Variants in FSTL4 observed in about 807,000 individuals in gnomAD.
The protein encoded by FSTL4 is follistatin-related protein 4.
In FSTL4, 28 loss-of-function variants were observed where a neutral mutation model predicts 78.2. The observed-to-expected ratio is 0.36, with a 90% confidence interval of 0.27 to 0.49. FSTL4 has a LOEUF of 0.49. Ranked by LOEUF, FSTL4 falls within the 20% of genes least tolerant of loss-of-function variation. FSTL4 has a pLI of 0.98. For synonymous variants in FSTL4, 422 were observed against 440.5 expected, an observed-to-expected ratio of 0.96 and a Z score of 0.53; for missense variants, 922 against 1,084.9, an observed-to-expected ratio of 0.85 and a Z score of 2.11.
At chr5:133,678,971 G>A in the FSTL4 span, among the ~76,000 whole-genome samples, 1 of 152,088 alleles carries the variant, frequency 6.6e-6, no homozygotes, top group Non-Finnish European at 1.5e-5. Flanking sequence ...TGTCGATCAG[G>A]GATCTCATTT....
chr5:133,465,750 C>T (rs1209003886), intron 3 of FSTL4, among the ~76,000 whole-genome samples: 1 of 152,156 alleles, frequency 6.6e-6, no homozygotes, highest in African/African-American at 2.4e-5. Context: ...ACTGTGTGAG[C>T]CTGAACAGAG....
In FSTL4 at chr5:133,233,500, A is replaced by G. The variant is rs1751561134; in HGVS notation, c.932T>C (p.Val311Ala). The change falls in exon 8 of 16, where the codon GTG (valine) becomes GCG (alanine). Residue 311 changes from valine to alanine, a missense_variant. Physicochemically the swap from Val to Ala is moderately conservative, Grantham distance 64. Transcript: ENST00000265342. ...GEDDSLYITK[V>A]TTIHMGNYTC... ...GTAATTGCCCATGTGGATGGTGGTC[A>G]CCTTGGTGATGTACAGGGAATCATC... is the stretch of plus-strand genomic sequence containing the variant. The G allele has an allele frequency of 6.2e-7, 1 of 1,614,064 alleles. No homozygotes were observed. The highest frequency in any genetic ancestry group is 8.5e-7 in the Non-Finnish European group (1 of 1,180,002).
chr5:133,550,721 G>C (rs916795918), intron 3 of FSTL4, among the ~76,000 whole-genome samples: 3 of 152,166 alleles, frequency 2.0e-5, no homozygotes, highest in Non-Finnish European at 2.9e-5. Context: ...AGAATGTCTG[G>C]CTGTATAATT....
intron 6 of FSTL4, among the ~76,000 whole-genome samples, chr5:133,302,378 C>A (rs1252724481): frequency 2.0e-5 from 3 of 152,180 alleles, no homozygotes; most frequent in Admixed American, 6.5e-5. Context: ...ACTTCCACAG[C>A]CTCTGCCATC....
chr5:133,232,268 A>G (rs1751515557), intron 8 of FSTL4, among the ~76,000 whole-genome samples: 1 of 152,218 alleles, frequency 6.6e-6, no homozygotes, highest in Non-Finnish European at 1.5e-5. Flanking sequence ...TAGTCAACCA[A>G]ATCAGGGCAG....
the FSTL4 span, among the ~76,000 whole-genome samples, chr5:133,635,356 T>C: frequency 6.6e-6 from 1 of 152,220 alleles, no homozygotes; most frequent in African/African-American, 2.4e-5. Context: ...CAGTAGGTCT[T>C]GATGTGAAGT....
intron 3 of FSTL4, among the ~76,000 whole-genome samples, chr5:133,450,669 C>T (rs1298827106): frequency 6.6e-6 from 1 of 152,224 alleles, no homozygotes; most frequent in East Asian, 1.9e-4. Context: ...CTGAGCGGAA[C>T]GCCATTAACT....
At chr5:133,613,121 C>A (rs192193488), upstream of FSTL4, among the ~76,000 whole-genome samples, 30 of 152,372 alleles carry the variant, frequency 2.0e-4, no homozygotes, top group Admixed American at 1.8e-3. Flanking sequence ...GTCCCTTCTC[C>A]CTTAGAACAG....
At chr5:133,217,949 C>T (rs1282857258) in intron 12 of FSTL4, among the ~76,000 whole-genome samples, 1 of 152,192 alleles carries the variant, frequency 6.6e-6, no homozygotes, top group African/African-American at 2.4e-5. Flanking sequence ...AGTTTCTTCT[C>T]TAAAATCCAC....
At chr5:133,663,897 G>T in the FSTL4 span, among the ~76,000 whole-genome samples, 1 of 152,226 alleles carries the variant, frequency 6.6e-6, no homozygotes, top group Non-Finnish European at 1.5e-5. Flanking sequence ...GAATCTTCCA[G>T]TGCTTCTGTG....
At chr5:133,319,930 G>A (rs1754004844) in intron 4 of FSTL4, among the ~76,000 whole-genome samples, 1 of 152,206 alleles carries the variant, frequency 6.6e-6, no homozygotes, top group Non-Finnish European at 1.5e-5. Context: ...CTGGGGAAGG[G>A]CCATGGACCC....
At chr5:133,681,152 A>C in the FSTL4 span, among the ~76,000 whole-genome samples, 5,002 of 152,364 alleles carry the variant, frequency 0.033, 124 homozygotes, top group Middle Eastern at 0.054. Context: ...GTGGGCAGGC[A>C]AAAGCCCCAG....
At chr5:133,302,813 T>G (rs1753576572) in intron 6 of FSTL4, among the ~76,000 whole-genome samples, 1 of 152,200 alleles carries the variant, frequency 6.6e-6, no homozygotes, top group African/African-American at 2.4e-5. Flanking sequence ...GGTCTGTTCT[T>G]CATTCTCTCT....
At chr5:133,625,123 A>C in the FSTL4 span, among the ~76,000 whole-genome samples, 3 of 151,656 alleles carry the variant, frequency 2.0e-5, no homozygotes, top group East Asian at 3.8e-4. Context: ...TATTAGGGTA[A>C]TACTAGCTTC....
the FSTL4 span, among the ~76,000 whole-genome samples, chr5:133,675,031 T>TA: frequency 6.6e-6 from 1 of 151,842 alleles, no homozygotes; most frequent in South Asian, 2.1e-4. Context: ...CAAACAAACT[T>TA]AAAAATCAGG....
At chr5:133,696,007 T>C in the FSTL4 span, among the ~76,000 whole-genome samples, 1 of 152,198 alleles carries the variant, frequency 6.6e-6, no homozygotes. Context: ...GCACTCCATC[T>C]CCATTTAAAC....
At chr5:133,330,447 A>T (rs1754317099) in intron 4 of FSTL4, among the ~76,000 whole-genome samples, 1 of 152,078 alleles carries the variant, frequency 6.6e-6, no homozygotes, top group Non-Finnish European at 1.5e-5. Flanking sequence ...GGGCAGAGAG[A>T]TGCCACACCC....
rs531489116 is a variant in FSTL4, at chr5:133,554,103, T to C, written c.160+13083A>G. Among the ~76,000 whole-genome samples, 164 of 152,316 alleles carry C rather than the reference T, an allele frequency of 1.1e-3. 1 individual carries two copies. The highest frequency in any genetic ancestry group is 3.7e-3 in the African/African-American group (153 of 41,564). On this transcript the variant is annotated intron_variant, in intron 3 of 15. Coordinates refer to ENST00000265342, the MANE Select transcript of FSTL4 (RefSeq NM_015082.2). The stretch of plus-strand genomic sequence containing the variant: ...ATCTGGAGTTGGATCATTTGGATGA[T>C]TCCATGAATGGTAGAGACTAGAAGC...
chr5:133,620,270 A>C, the FSTL4 span, among the ~76,000 whole-genome samples: 1 of 152,320 alleles, frequency 6.6e-6, no homozygotes, highest in African/African-American at 2.4e-5. Flanking sequence ...CAGGAGGGGA[A>C]AGATTTCAGG....
Sources: gnomAD v4.1 joint callset for allele counts (sites outside exome capture counted in the v4.1 genomes callset) on GRCh38, gnomAD v4.1.1 for gene constraint, MANE v1.5 for transcripts, NCBI Gene and HGNC (gene_info 2026-07-23, HGNC 2026-07-21) for gene names.